The following TRPM6 variants were observed in gnomAD, a reference collection of about 807,000 sequenced individuals.
TRPM6 encodes the protein channel kinase 2.
A neutral mutation model predicts 247.6 loss-of-function variants in TRPM6; 111 were observed. The ratio of observed to expected loss-of-function variants is 0.45; its 90% CI spans 0.38 to 0.52. The LOEUF (loss-of-function observed/expected upper bound fraction) is 0.52, where lower values mean the gene tolerates loss of function less well. TRPM6 is among the 20% of genes least tolerant of loss of function. The pLI is 0.00. For missense variants in TRPM6, 2,126 were observed against 2,421.5 expected, an observed-to-expected ratio of 0.88 and a Z score of 2.56; for synonymous variants, 892 against 853.8, an observed-to-expected ratio of 1.04 and a Z score of -0.78.
At position 74,762,100 on chromosome 9, in the gene TRPM6, G is replaced by C; in HGVS notation, c.4571C>G (p.Ser1524Cys). Residue 1524 changes from serine (S) to cysteine (C), a missense_variant, in exon 26 of 39, where the codon TCC (serine) becomes TGC (cysteine). Coordinates refer to ENST00000360774, the MANE Select transcript of TRPM6 (RefSeq NM_017662.5). Reference protein sequence around the residue: ...EVGPWLQPNTSFWINPLRRYR... With the variant: ...EVGPWLQPNTCFWINPLRRYR... ...TCTGCGGAGAGGATTGATCCAAAAGGATGTGTTTGGCTGAAGCCATGGTCC... is the reference window on the plus strand; with the variant it reads ...TCTGCGGAGAGGATTGATCCAAAAGCATGTGTTTGGCTGAAGCCATGGTCC... The C allele has an allele frequency of 2.5e-6, 4 of 1,614,174 alleles. No individual in the cohort carries two copies. The highest frequency in any genetic ancestry group is 3.4e-6 in the Non-Finnish European group (4 of 1,180,024).
In TRPM6 at chr9:74,802,047, C is replaced by T. The variant is rs56058162; in HGVS notation, c.1860G>A (p.Arg620=). Reference sequence around the variant, plus strand: ...GCCAGAAGAACATAGCCATCTTCTGCCTTTTCATCAGCACAGCCCAAACCA... The same window carrying T: ...GCCAGAAGAACATAGCCATCTTCTGTCTTTTCATCAGCACAGCCCAAACCA... ...DLLVWAVLMK[R]QKMAMFFWQH... The change falls in exon 16 of 39, where the codon AGG becomes AGA. Residue 620 remains arginine (R), a synonymous_variant. Coordinates refer to ENST00000360774, the MANE Select transcript of TRPM6 (RefSeq NM_017662.5). 6.8e-6 allele frequency: 11 copies of T among 1,614,066 alleles called. No individual in the cohort carries two copies. The East Asian group carries it at 1.3e-4, about 20-fold the overall frequency.
At chr9:74,818,293 CTTTTTTTTT>C (rs1161401022) in intron 9 of TRPM6, among the ~76,000 whole-genome samples, 35 of 72,006 alleles carry the variant, frequency 4.9e-4, no homozygotes, top group African/African-American at 1.8e-3. Flanking sequence ...TCTATCATTT[CTTTTTTTTT>C]TTTTTTTTTT....
At chr9:74,769,551 G>A (rs1478142358) in intron 25 of TRPM6, among the ~76,000 whole-genome samples, 1 of 152,016 alleles carries the variant, frequency 6.6e-6, no homozygotes, top group Non-Finnish European at 1.5e-5. Flanking sequence ...GAGGTCAGGA[G>A]ATCCAGAGCA....
At chr9:74,830,726 AC>A (rs1003405721) in intron 6 of TRPM6, among the ~76,000 whole-genome samples, 2 of 141,466 alleles carry the variant, frequency 1.4e-5, no homozygotes, top group African/African-American at 5.4e-5. Flanking sequence ...ATAGGCGTGC[AC>A]CACCATGCCC....
intron 29 of TRPM6, among the ~76,000 whole-genome samples, chr9:74,751,827 T>C (rs1826258933): frequency 6.6e-6 from 1 of 152,176 alleles, no homozygotes; most frequent in South Asian, 2.1e-4. Context: ...AAATAAATCA[T>C]TCCATGCTTG....
chr9:74,810,540 T>C (rs556755048), intron 13 of TRPM6, among the ~76,000 whole-genome samples: 1 of 152,356 alleles, frequency 6.6e-6, no homozygotes, highest in South Asian at 2.1e-4. Context: ...TAAGCTGAAG[T>C]TCTGATTAGA....
chr9:74,817,496 C>T (rs1828977313), intron 9 of TRPM6, among the ~76,000 whole-genome samples: 1 of 152,096 alleles, frequency 6.6e-6, no homozygotes, highest in Non-Finnish European at 1.5e-5. Flanking sequence ...GCCAGACTTG[C>T]TTTTTTACGA....
chr9:74,838,550 C>G (rs1829803271), intron 5 of TRPM6, among the ~76,000 whole-genome samples: 1 of 152,226 alleles, frequency 6.6e-6, no homozygotes, highest in Non-Finnish European at 1.5e-5. Flanking sequence ...AGGCCCTTGC[C>G]TCTAGTACAC....
intron 6 of TRPM6, among the ~76,000 whole-genome samples, chr9:74,831,407 T>C (rs1829542387): frequency 6.6e-6 from 1 of 152,060 alleles, no homozygotes. Context: ...GGAGAATCGC[T>C]TGAACCCAGG....
At chr9:74,739,533 T>A in intron 34 of TRPM6, 84 bp from the exon 35 acceptor site, 2 of 1,529,316 alleles carry the variant, frequency 1.3e-6, no homozygotes, top group Non-Finnish European at 1.8e-6. Context: ...TACCCCAATG[T>A]GATTTTTAGC....
intron 25 of TRPM6, among the ~76,000 whole-genome samples, chr9:74,767,018 C>T (rs1386086452): frequency 6.6e-6 from 1 of 152,174 alleles, no homozygotes; most frequent in Non-Finnish European, 1.5e-5. Context: ...TTGACCACTG[C>T]CTTCTGGTAC....
rs539576418 is a variant in TRPM6 at position 74,738,149 on chromosome 9, T to G, written c.5776+258A>C. Among the ~76,000 whole-genome samples, 6 of 152,264 alleles carry G rather than the reference T, an allele frequency of 3.9e-5. No individual in the cohort carries two copies. In the South Asian group the frequency reaches 1.2e-3, roughly 32 times the overall value. ...ACTGAAAAATTTGTTACAAAAATCA[T>G]TCCCCATTTTGCTCAAAAATTTAGA... On this transcript the variant is annotated intron_variant, in intron 36 of 38. Coordinates refer to ENST00000360774, the MANE Select transcript of TRPM6 (RefSeq NM_017662.5).
intron 37 of TRPM6, among the ~76,000 whole-genome samples, chr9:74,729,722 G>T (rs1277297520): frequency 2.0e-5 from 3 of 152,194 alleles, no homozygotes. Flanking sequence ...TTTAGACCAG[G>T]ATTCTACGAT....
chr9:74,856,445 A>ATGTGTG (rs748325225), intron 2 of TRPM6, among the ~76,000 whole-genome samples: 17 of 125,190 alleles, frequency 1.4e-4, no homozygotes, highest in African/African-American at 3.7e-4. Context: ...GTCTCAAAAT[A>ATGTGTG]TGTGTGTGTG....
intron 27 of TRPM6, among the ~76,000 whole-genome samples, chr9:74,758,065 C>A (rs189045137): frequency 6.6e-6 from 1 of 152,070 alleles, no homozygotes; most frequent in Non-Finnish European, 1.5e-5. Context: ...TGAATAAATT[C>A]TTTGACATAC....
chr9:74,739,082 C>G (rs908011421), intron 35 of TRPM6, among the ~76,000 whole-genome samples: 20 of 152,206 alleles, frequency 1.3e-4, no homozygotes, highest in African/African-American at 4.8e-4. Flanking sequence ...TGCCCCTGGA[C>G]ATTAATAACA....
intron 25 of TRPM6, 70 bp downstream of exon 25, chr9:74,771,633 A>G: frequency 6.7e-7 from 1 of 1,481,962 alleles, no homozygotes; most frequent in East Asian, 2.3e-5. Context: ...ATCTTTCTAC[A>G]CCTTTAGATA....
chr9:74,800,870 GT>G (rs1435628236), intron 16 of TRPM6, among the ~76,000 whole-genome samples: 1 of 141,104 alleles, frequency 7.1e-6, no homozygotes, highest in African/African-American at 2.7e-5. Context: ...AGCTTGGTTT[GT>G]TTGGGACTCC....
At position 74,762,581 on chromosome 9, in the gene TRPM6, G is replaced by A. The variant is rs1826685317; in HGVS notation, c.4090C>T (p.Leu1364=). The part of the protein sequence containing the change: ...VPFSAETVLP[L]SRPSVPDVLA... ...ACATCTGGCACAGAGGGTCTGGACA[G>A]AGGCAAGACAGTTTCTGCTGAAAAA... The change falls in exon 26 of 39, where the codon CTG becomes TTG. Residue 1364 remains leucine, a synonymous_variant. Coordinates refer to ENST00000360774, the MANE Select transcript of TRPM6 (RefSeq NM_017662.5). The A allele has an allele frequency of 8.1e-6, 13 of 1,614,078 alleles. No individual in the cohort carries two copies. The highest frequency in any genetic ancestry group is 1.1e-5 in the Non-Finnish European group (13 of 1,180,048).
Sources: allele counts gnomAD v4.1 joint callset (sites outside exome capture counted in the v4.1 genomes callset), GRCh38; gene constraint gnomAD v4.1.1; transcripts MANE v1.5; gene names NCBI Gene and HGNC (gene_info 2026-07-23, HGNC 2026-07-21).